Variants in RTL4 observed in about 807,000 individuals in gnomAD.
The protein encoded by RTL4 is retrotransposon Gag like 4, also known as retrotransposon Gag-like protein 4.
A neutral mutation model predicts 5.3 loss-of-function variants in RTL4; 4 were observed. That is an observed-to-expected ratio of 0.75 (90% CI 0.37 to 1.72). RTL4 has a LOEUF of 1.72. Among genes scored for constraint, RTL4 ranks in the 40% most tolerant of loss-of-function variants. The pLI, the probability that RTL4 is intolerant of heterozygous loss-of-function variation, is 0.04. For missense variants in RTL4, 260 were observed against 227.1 expected (o/e 1.14, Z -0.93); for synonymous variants, 98 against 87.3 (o/e 1.12, Z -0.68).
At chrX:112,377,593 C>T in the RTL4 span, among the ~76,000 whole-genome samples, 3 of 111,838 alleles carry the variant, frequency 2.7e-5, no homozygotes, top group African/African-American at 6.5e-5. Context: ...GTTAAAGAAT[C>T]GTTAAGTCAA....
the RTL4 span, chrX:112,320,486 G>A: frequency 9.0e-6 from 1 of 110,840 alleles, no homozygotes; most frequent in African/African-American, 3.3e-5. Flanking sequence ...GTTTAGATGT[G>A]TTCCTATGTT....
the RTL4 span, among the ~76,000 whole-genome samples, chrX:112,109,435 G>A: frequency 9.0e-6 from 1 of 111,629 alleles, no homozygotes; most frequent in South Asian, 3.8e-4. Context: ...GCTGCTGGAT[G>A]GGGTGGCCAG....
chrX:112,326,854 C>A, the RTL4 span, among the ~76,000 whole-genome samples: 2 of 111,662 alleles, frequency 1.8e-5, no homozygotes, highest in African/African-American at 3.2e-5. Flanking sequence ...GACCCCTGAC[C>A]CCCGAGCAGC....
At chrX:112,427,870 A>G in the RTL4 span, among the ~76,000 whole-genome samples, 1 of 110,369 alleles carries the variant, frequency 9.1e-6, no homozygotes, top group Non-Finnish European at 1.9e-5. Flanking sequence ...TGTACCTATC[A>G]CCCGAGCAGT....
chrX:112,143,025 C>T, the RTL4 span, among the ~76,000 whole-genome samples: 1 of 110,798 alleles, frequency 9.0e-6, no homozygotes, highest in African/African-American at 3.3e-5. Context: ...GAGGGGGTTT[C>T]GCCATATTGG....
At chrX:112,275,433 G>A in the RTL4 span, among the ~76,000 whole-genome samples, 4 of 111,390 alleles carry the variant, frequency 3.6e-5, no homozygotes, top group East Asian at 1.1e-3. Context: ...CATCTTCTCC[G>A]ATAGGTAATT....
the RTL4 span, among the ~76,000 whole-genome samples, chrX:112,233,201 C>T: frequency 2.7e-5 from 3 of 111,941 alleles, no homozygotes; most frequent in South Asian, 1.1e-3. Flanking sequence ...GTCGAAAGGT[C>T]ACAACGGGCA....
chrX:112,291,200 G>T, the RTL4 span, among the ~76,000 whole-genome samples: 1 of 110,514 alleles, frequency 9.0e-6, no homozygotes, highest in African/African-American at 3.3e-5. Context: ...GTCCAAGTAG[G>T]GAGCAGGAAG....
At chrX:112,190,200 CTTTCTTTT>C in the RTL4 span, among the ~76,000 whole-genome samples, 1 of 79,703 alleles carries the variant, frequency 1.3e-5, no homozygotes, top group Non-Finnish European at 2.5e-5. Context: ...TTCTTTCTTT[CTTTCTTTT>C]TTCTATACCT....
chrX:112,226,790 G>A, the RTL4 span, among the ~76,000 whole-genome samples: 1 of 108,483 alleles, frequency 9.2e-6, no homozygotes, highest in Non-Finnish European at 1.9e-5. Context: ...GTACAGCCTA[G>A]CCAGGTGTGG....
At chrX:112,214,080 G>A in the RTL4 span, among the ~76,000 whole-genome samples, 5 of 111,228 alleles carry the variant, frequency 4.5e-5, no homozygotes, top group African/African-American at 1.6e-4. Flanking sequence ...ATAAAATACA[G>A]TATTGTTAAC....
At chrX:112,401,273 C>A in the RTL4 span, among the ~76,000 whole-genome samples, 1 of 110,882 alleles carries the variant, frequency 9.0e-6, no homozygotes. Context: ...AATTACCCTT[C>A]CTCCACTCAC....
At chrX:112,226,872 G>T in the RTL4 span, among the ~76,000 whole-genome samples, 116 of 107,399 alleles carry the variant, frequency 1.1e-3, no homozygotes, top group African/African-American at 3.7e-3. Flanking sequence ...AGAGGCGGAG[G>T]TTGCAGTGAG....
the RTL4 span, among the ~76,000 whole-genome samples, chrX:112,187,628 T>C: frequency 9.0e-6 from 1 of 111,692 alleles, no homozygotes; most frequent in Non-Finnish European, 1.9e-5. Flanking sequence ...TACTCCAGGC[T>C]CACTGAATAC....
At chrX:112,367,009 G>T in the RTL4 span, among the ~76,000 whole-genome samples, 1 of 111,431 alleles carries the variant, frequency 9.0e-6, no homozygotes, top group East Asian at 2.8e-4. Context: ...TGCCTGGAGC[G>T]CAGCTGAAAA....
chrX:112,358,364 C>T, the RTL4 span, among the ~76,000 whole-genome samples: 1 of 109,930 alleles, frequency 9.1e-6, no homozygotes, highest in Admixed American at 9.8e-5. Context: ...TCACTTTCAA[C>T]CGAAACTTGG....
At chrX:112,407,846 A>G in the RTL4 span, among the ~76,000 whole-genome samples, 1 of 112,662 alleles carries the variant, frequency 8.9e-6, no homozygotes, top group African/African-American at 3.2e-5. Context: ...AGAAGAGAAC[A>G]ATAGTTTCTG....
the RTL4 span, among the ~76,000 whole-genome samples, chrX:112,379,717 CAGT>C: frequency 8.9e-6 from 1 of 111,773 alleles, no homozygotes; most frequent in Non-Finnish European, 1.9e-5. Context: ...TTTTGCTTCT[CAGT>C]AGTTGTTGAT....
chrX:112,132,360 AG>A, the RTL4 span, among the ~76,000 whole-genome samples: 1 of 111,002 alleles, frequency 9.0e-6, no homozygotes, highest in Non-Finnish European at 1.9e-5. Context: ...TGGAGTTTTC[AG>A]GTCAATCAGA....
Sources: allele counts gnomAD v4.1 joint callset (sites outside exome capture counted in the v4.1 genomes callset), GRCh38; gene constraint gnomAD v4.1.1; transcripts MANE v1.5; gene names NCBI Gene and HGNC (gene_info 2026-07-23, HGNC 2026-07-21).